Variants in MICAL2 observed in about 807,000 individuals in gnomAD.
MICAL2 encodes the protein microtubule associated monooxygenase, calponin and LIM domain containing 2.
Under a neutral mutation model 127.3 loss-of-function variants are expected in MICAL2, and 77 were observed. That is an observed-to-expected ratio of 0.60 (90% CI 0.50 to 0.73). The LOEUF (loss-of-function observed/expected upper bound fraction) is 0.73, where lower values mean the gene tolerates loss of function less well. Ranked by LOEUF, MICAL2 falls within the 30% of genes least tolerant of loss-of-function variation. The probability of loss-of-function intolerance (pLI) is 0.00; values close to 1 mark genes in which losing one functional copy is unlikely to be tolerated. For synonymous variants in MICAL2, 570 were observed against 551.1 expected (o/e 1.03, Z -0.48); for missense variants, 1,351 against 1,434.4 (o/e 0.94, Z 0.94).
intron 32 of MICAL2, among the ~76,000 whole-genome samples, chr11:12,336,475 A>G (rs1219392084): frequency 6.6e-6 from 1 of 152,176 alleles, no homozygotes; most frequent in African/African-American, 2.4e-5. Flanking sequence ...CCTGACCAGA[A>G]CTTCCAAAAC....
intron 1 of MICAL2, among the ~76,000 whole-genome samples, chr11:12,131,415 TCTC>T (rs952834322): frequency 1.5e-4 from 22 of 151,552 alleles, no homozygotes; most frequent in African/African-American, 5.1e-4. Flanking sequence ...AGCTGGCTGG[TCTC>T]CTCTCCTCTG....
At chr11:12,302,955 A>G (rs540170852) in intron 29 of MICAL2, among the ~76,000 whole-genome samples, 5 of 152,370 alleles carry the variant, frequency 3.3e-5, no homozygotes, top group Admixed American at 3.3e-4. Context: ...TCACAGTTCC[A>G]CATTGCCAGG....
downstream of MICAL2, chr11:12,358,867 A>T (rs1939170041): frequency 6.4e-6 from 1 of 155,064 alleles, no homozygotes; most frequent in African/African-American, 2.4e-5. Flanking sequence ...CCTTTTCATT[A>T]ATATATCCAT....
intron 30 of MICAL2, among the ~76,000 whole-genome samples, chr11:12,320,160 C>T (rs888313138): frequency 6.6e-6 from 1 of 152,102 alleles, no homozygotes; most frequent in Non-Finnish European, 1.5e-5. Flanking sequence ...CTGGGGGAAG[C>T]ACAGCTTCAT....
chr11:12,354,999 C>G (rs1397927165), intron 34 of MICAL2: 2 of 689,154 alleles, frequency 2.9e-6, no homozygotes, highest in Admixed American at 2.8e-5. Context: ...CTGCCTCCCA[C>G]CAGCAGCACC....
chr11:12,332,993 CCT>C (rs1299006063), intron 32 of MICAL2, among the ~76,000 whole-genome samples: 1 of 152,152 alleles, frequency 6.6e-6, no homozygotes, highest in East Asian at 1.9e-4. Flanking sequence ...TGTATATTCA[CCT>C]CTGTTTCCAG....
downstream of MICAL2, among the ~76,000 whole-genome samples, chr11:12,360,550 A>G (rs186573753): frequency 2.3e-3 from 357 of 152,366 alleles, 1 homozygote; most frequent in African/African-American, 8.2e-3. Flanking sequence ...CAGTTGCATA[A>G]AAGTGCATCC....
intron 29 of MICAL2, among the ~76,000 whole-genome samples, chr11:12,303,347 T>G: frequency 6.6e-6 from 1 of 152,234 alleles, no homozygotes; most frequent in Non-Finnish European, 1.5e-5. Flanking sequence ...GTAGCCACTG[T>G]TTCATACTTG....
chr11:12,286,862 A>T (rs909798677), intron 2 of MICAL2: 1 of 330,720 alleles, frequency 3.0e-6, no homozygotes, highest in African/African-American at 2.1e-5. Context: ...TGACAAGCAA[A>T]CAAAAACACA....
chr11:12,131,740 G>T (rs1027552789), intron 1 of MICAL2, among the ~76,000 whole-genome samples: 2 of 152,112 alleles, frequency 1.3e-5, no homozygotes, highest in African/African-American at 4.8e-5. Context: ...TGGAGGCTGG[G>T]TATGTCCTAG....
chr11:12,280,956 G>A (rs1278727707), exon 2 of MICAL2: 2 of 398,994 alleles, frequency 5.0e-6, no homozygotes, highest in East Asian at 3.6e-5. Context: ...TCTGACTATG[G>A]TGGCAGCGAG....
At chr11:12,193,767 C>T (rs1319765398) in intron 3 of MICAL2, among the ~76,000 whole-genome samples, 1 of 152,226 alleles carries the variant, frequency 6.6e-6, no homozygotes, top group Admixed American at 6.5e-5. Context: ...AGTTCCTCCA[C>T]ATACTGTGTG....
At chr11:12,142,013 AT>A (rs1852397262) in intron 2 of MICAL2, among the ~76,000 whole-genome samples, 3 of 152,238 alleles carry the variant, frequency 2.0e-5, no homozygotes, top group Non-Finnish European at 4.4e-5. Flanking sequence ...GCCCAGAGAC[AT>A]GACTCAAGCA....
Position 12,162,311 on chromosome 11 carries a change from G to A in MICAL2, c.156G>A (p.Lys52=), listed in dbSNP as rs1240226572. 1.2e-6 allele frequency: 2 copies of A among 1,614,104 alleles called. No individual in the cohort carries two copies. Among genetic ancestry groups the A allele is most frequent in the Non-Finnish European group, 1.7e-6 (2 of 1,180,048 alleles). ...TGGACCACAGAAACTTTTATTCCAA[G>A]CTCAAGTCCAAGGTGACCACCTGGA... ...DPLDHRNFYS[K]LKSKVTTWKA... is the part of the protein sequence containing the mutation. Residue 52 remains lysine, a synonymous_variant, in exon 3 of 28, where the codon AAG becomes AAA. Coordinates refer to ENST00000683283, the MANE Select transcript of MICAL2 (RefSeq NM_001282663.2).
Position 12,260,445 on chromosome 11 carries a change from G to A in MICAL2, c.3334+548G>A, listed in dbSNP as rs1234147536. The A allele has an allele frequency of 5.1e-6, 6 of 1,188,110 alleles. No homozygotes were observed. The East Asian group carries it at 1.5e-4, about 31-fold the overall frequency. The allele number at this position is 1,188,110 out of a possible 1,614,324, so 73.6% of individuals were successfully genotyped here. On this transcript the variant is annotated intron_variant, in intron 26 of 27. Transcript: ENST00000683283. ...ATTTCAATTTTTTTAATTTTAATTA[G>A]CCCAGAGAAAGCATTTTTTTCTATG...
chr11:12,260,717 G>A (rs1279434178), intron 26 of MICAL2: 2 of 985,386 alleles, frequency 2.0e-6, no homozygotes, highest in East Asian at 2.3e-4. Flanking sequence ...GAGTAGAAGG[G>A]CAGAATAGAA....
chr11:12,345,067 G>A (rs552578093), intron 32 of MICAL2, among the ~76,000 whole-genome samples: 14 of 150,526 alleles, frequency 9.3e-5, no homozygotes, highest in Admixed American at 7.9e-4. Context: ...AGCCGAGATT[G>A]CGCCACTGCA....
At chr11:12,341,117 A>T (rs1424199696) in intron 32 of MICAL2, among the ~76,000 whole-genome samples, 1 of 152,202 alleles carries the variant, frequency 6.6e-6, no homozygotes, top group African/African-American at 2.4e-5. Flanking sequence ...CATGAGCTCC[A>T]GAGTGGAGTG....
Position 12,329,863 on chromosome 11 carries a change from A to G in MICAL2, c.5515+2597A>G, listed in dbSNP as rs1287519315. On this transcript the variant is annotated intron_variant, in intron 32 of 34. Transcript: ENST00000646065. The stretch of plus-strand genomic sequence containing the variant: ...AAAATCTTCCTCATCCCCAAATATG[A>G]AAAAAAAAAAAAAAAAAAAAGAAAA... Among the ~76,000 whole-genome samples, 26 of 16,712 alleles carry G rather than the reference A, an allele frequency of 1.6e-3. No individual in the cohort carries two copies. The East Asian group carries it at 0.034, about 22-fold the overall frequency. The allele number at this position is 16,712 out of a possible 152,430, so 11.0% of individuals were successfully genotyped here.
Sources: gnomAD v4.1 joint callset for allele counts (sites outside exome capture counted in the v4.1 genomes callset) on GRCh38, gnomAD v4.1.1 for gene constraint, MANE v1.5 for transcripts, NCBI Gene and HGNC (gene_info 2026-07-23, HGNC 2026-07-21) for gene names.